The following GPLD1 variants were observed in gnomAD, a reference collection of about 807,000 sequenced individuals.
GPLD1 encodes glycosylphosphatidylinositol specific phospholipase D1.
Under a neutral mutation model 112.6 loss-of-function variants are expected in GPLD1, and 84 were observed. The observed-to-expected ratio is 0.75, with a 90% confidence interval of 0.63 to 0.89. GPLD1 has a LOEUF of 0.89. Ranked by LOEUF, GPLD1 falls within the 40% of genes least tolerant of loss-of-function variation. The pLI is 0.00. For missense variants in GPLD1, 1,044 were observed against 1,051.5 expected (o/e 0.99, Z 0.10); for synonymous variants, 386 against 403.8 (o/e 0.96, Z 0.53).
exon 1 of GPLD1, chr6:24,495,156 C>T (rs1420187412): frequency 1.4e-6 from 2 of 1,436,808 alleles, no homozygotes; most frequent in Non-Finnish European, 1.8e-6. Flanking sequence ...CCTGGCGGGC[C>T]TCTCTGCGGC....
intron 24 of GPLD1, among the ~76,000 whole-genome samples, chr6:24,431,196 G>A (rs961161914): frequency 1.3e-5 from 2 of 152,030 alleles, no homozygotes; most frequent in African/African-American, 4.8e-5. Context: ...TTGGCCACTA[G>A]AGGGCAGTTT....
intron 3 of GPLD1, among the ~76,000 whole-genome samples, chr6:24,476,920 G>A (rs542082834): frequency 1.3e-5 from 2 of 152,148 alleles, no homozygotes; most frequent in East Asian, 1.9e-4. Context: ...CAAATGTTAC[G>A]AGGGTAACTA....
At chr6:24,434,161 G>A (rs9461009) in intron 22 of GPLD1, among the ~76,000 whole-genome samples, 9,932 of 152,134 alleles carry the variant, frequency 0.065, 750 homozygotes, top group African/African-American at 0.19. Context: ...ACTTTGGGAG[G>A]CTGAGGCAGG....
At chr6:24,436,768 A>G (rs1433475938) in intron 21 of GPLD1, 32 bp from the exon 22 acceptor site, 2 of 1,606,600 alleles carry the variant, frequency 1.2e-6, no homozygotes, top group South Asian at 2.2e-5. Context: ...AGAAGGAAGT[A>G]TTTGACTCCT....
Position 24,486,117 on chromosome 6 carries a change from CA to C in GPLD1, c.110del (p.Leu37ArgfsTer18), listed in dbSNP as rs1764366030. The C allele has an allele frequency of 6.3e-7, 1 of 1,584,486 alleles. No individual in the cohort carries two copies. The highest frequency in any genetic ancestry group is 1.3e-5 in the African/African-American group (1 of 74,314). ...STHVEIGHRA[L>X]EFLQLHNGRV... ...GCCCATTGTGAAGCTGAAGAAACTC[CA>C]GAGCTCTGTGTCCTGAGAGAAATAA... On this transcript the variant is annotated frameshift_variant, in exon 2 of 25. Coordinates refer to ENST00000230036, the MANE Select transcript of GPLD1 (RefSeq NM_001503.4). LOFTEE classifies it high-confidence loss of function.
intron 12 of GPLD1, among the ~76,000 whole-genome samples, chr6:24,459,331 G>A (rs1430645803): frequency 6.6e-6 from 1 of 152,018 alleles, no homozygotes; most frequent in Non-Finnish European, 1.5e-5. Context: ...TCAGCTCACT[G>A]CAACCTCTGC....
chr6:24,473,540 C>T (rs1171986177), intron 6 of GPLD1, 79 bp downstream of exon 6: 1 of 843,648 alleles, frequency 1.2e-6, no homozygotes, highest in Admixed American at 1.9e-5. Context: ...TAAAGACACA[C>T]ATATTTAAAG....
chr6:24,432,247 T>TTA (rs1453015837), intron 24 of GPLD1, among the ~76,000 whole-genome samples: 30 of 90,776 alleles, frequency 3.3e-4, no homozygotes, highest in African/African-American at 1.1e-3. Flanking sequence ...GACTCTGTCT[T>TTA]AAAAAAAAAA....
upstream of GPLD1, chr6:24,495,227 C>T (rs1160948222): frequency 1.3e-6 from 2 of 1,514,130 alleles, no homozygotes; most frequent in Admixed American, 2.0e-5. Context: ...CCACCTTCCC[C>T]GTGCAAGACC....
intron 7 of GPLD1, among the ~76,000 whole-genome samples, chr6:24,467,769 A>G (rs2744554): frequency 0.9 from 137,311 of 152,228 alleles, 62,691 homozygotes; most frequent in African/African-American, 0.98. Flanking sequence ...AAGTATAAAA[A>G]TATTGTAAAG....
chr6:24,482,944 C>A (rs1764253700), intron 2 of GPLD1, among the ~76,000 whole-genome samples: 1 of 150,870 alleles, frequency 6.6e-6, no homozygotes, highest in Admixed American at 6.6e-5. Context: ...GACCCTATCT[C>A]AAAAAAAATA....
chr6:24,468,262 TCACA>T (rs1407060396), intron 7 of GPLD1, among the ~76,000 whole-genome samples: 2 of 152,128 alleles, frequency 1.3e-5, no homozygotes, highest in African/African-American at 4.8e-5. Context: ...CATACCTCCC[TCACA>T]ATTTGCCCAC....
In GPLD1 at chr6:24,459,013, T is replaced by A. The variant is rs558747059; in HGVS notation, c.1008+1266A>T. On this transcript the variant is annotated intron_variant, in intron 12 of 24. Transcript: ENST00000230036. ...TTCTGACATTAAGAGCCCACTACAA[T>A]CCAATGCCTACTTAGCTTCCTAAGC... Among the ~76,000 whole-genome samples, 13 of 152,252 alleles carry A rather than the reference T, an allele frequency of 8.5e-5. No individual in the cohort carries two copies. The East Asian group carries it at 2.5e-3, about 29-fold the overall frequency.
At position 24,472,636 on chromosome 6, in the gene GPLD1, C is replaced by A; in HGVS notation, c.491G>T (p.Gly164Val). The A allele has an allele frequency of 6.4e-7, 1 of 1,573,666 alleles. No individual in the cohort carries two copies. Among genetic ancestry groups the A allele is most frequent in the Non-Finnish European group, 8.7e-7 (1 of 1,143,482 alleles). Residue 164 changes from glycine (G) to valine (V), a missense_variant and splice_region_variant, in exon 7 of 25, where the codon GGA becomes GTA. Gly to Val is a moderately radical substitution (Grantham distance 109). Transcript: ENST00000230036. ...TTCAAACTGGCTCAACACATCTCCT[C>A]CTAGGGTATGAGAAAAATATTGACA... is the stretch of plus-strand genomic sequence containing the variant. ...YSEAHSAGDF[G>V]GDVLSQFEFN...
chr6:24,430,815 C>T (rs1762379415), intron 24 of GPLD1, among the ~76,000 whole-genome samples: 1 of 152,128 alleles, frequency 6.6e-6, no homozygotes, highest in South Asian at 2.1e-4. Flanking sequence ...TCAATGCCCC[C>T]AAGCTCAGGT....
Position 24,428,969 on chromosome 6 carries a change from G to A in GPLD1, c.*63C>T. The A allele has an allele frequency of 8.8e-7, 1 of 1,133,664 alleles. No individual in the cohort carries two copies. The highest frequency in any genetic ancestry group is 1.3e-6 in the Non-Finnish European group (1 of 768,532). The allele number at this position is 1,133,664 out of a possible 1,614,324, so 70.2% of individuals were successfully genotyped here. A position where few individuals can be genotyped will look rare whatever the true frequency, so the allele number is the denominator to read the frequency against. On this transcript the variant is annotated 3_prime_UTR_variant, in exon 25 of 25. Coordinates refer to ENST00000230036, the MANE Select transcript of GPLD1 (RefSeq NM_001503.4). ...GATGTGCCACTTTGTCCATCAAAAT[G>A]CTCACCATGGATGTGATTCAGCATG... is the stretch of plus-strand genomic sequence containing the variant.
intron 22 of GPLD1, chr6:24,435,836 A>AAAAAAAAAAAAAAAAAAAAAAAAAT (rs1427422814): frequency 7.5e-5 from 11 of 146,628 alleles, no homozygotes; most frequent in South Asian, 2.2e-4. Context: ...AAAAAAAAAA[A>AAAAAAAAAAAAAAAAAAAAAAAAAT]AAAAAAAAAA....
intron 22 of GPLD1, among the ~76,000 whole-genome samples, chr6:24,434,618 A>T (rs1762510609): frequency 6.6e-6 from 1 of 151,856 alleles, no homozygotes; most frequent in African/African-American, 2.4e-5. Flanking sequence ...TGGGCGGATC[A>T]CGAGGTCAGG....
At chr6:24,492,465 C>A, upstream of GPLD1, among the ~76,000 whole-genome samples, 1 of 134,862 alleles carries the variant, frequency 7.4e-6, no homozygotes, top group Non-Finnish European at 1.5e-5. Flanking sequence ...GAGATCGTGC[C>A]ATTGCACTCC....
Sources: gnomAD v4.1 joint callset for allele counts (sites outside exome capture counted in the v4.1 genomes callset) on GRCh38, gnomAD v4.1.1 for gene constraint, MANE v1.5 for transcripts, NCBI Gene and HGNC (gene_info 2026-07-23, HGNC 2026-07-21) for gene names.